Variants in ZNF248 observed in about 807,000 individuals in gnomAD.
The protein encoded by ZNF248 is KRAB protein domain.
A neutral mutation model predicts 44.3 loss-of-function variants in ZNF248; 20 were observed. The ratio of observed to expected loss-of-function variants is 0.45; its 90% CI spans 0.32 to 0.66. The LOEUF (loss-of-function observed/expected upper bound fraction) is 0.66. Among genes scored for constraint, ZNF248 ranks in the 30% least tolerant of loss-of-function variants. The probability of loss-of-function intolerance (pLI) is 0.04; values close to 1 mark genes in which losing one functional copy is unlikely to be tolerated. For synonymous variants in ZNF248, 224 were observed against 229.0 expected (o/e 0.98, Z 0.20); for missense variants, 654 against 677.0 (o/e 0.97, Z 0.38).
Position 37,828,780 on chromosome 10 carries a change from A to T in ZNF248, c.*2835T>A. The T allele has an allele frequency of 1.0e-6, 1 of 985,336 alleles. No homozygotes were observed. Among genetic ancestry groups the T allele is most frequent in the Non-Finnish European group, 1.2e-6 (1 of 829,846 alleles). The allele number at this position is 985,336 out of a possible 1,614,324, so 61.0% of individuals were successfully genotyped here. On this transcript the variant is annotated 3_prime_UTR_variant, in exon 6 of 6. Transcript: ENST00000395867. ...TCAAACAGTGCAGGGACAACTGGCT[A>T]TTTATTTGGAAGAATACAGAGCTGC...
At chr10:37,822,112 T>C (rs947209296) in intron 6 of ZNF248, among the ~76,000 whole-genome samples, 1 of 152,214 alleles carries the variant, frequency 6.6e-6, no homozygotes, top group African/African-American at 2.4e-5. Context: ...TGAGCCACTG[T>C]AGACACTCGG....
At chr10:37,843,777 C>G (rs892703055) in intron 3 of ZNF248, among the ~76,000 whole-genome samples, 1 of 152,006 alleles carries the variant, frequency 6.6e-6, no homozygotes, top group African/African-American at 2.4e-5. Context: ...TTTAAAAATC[C>G]ACTAGAGGTT....
At chr10:37,839,521 ACACACATG>A in intron 3 of ZNF248, among the ~76,000 whole-genome samples, 1 of 151,960 alleles carries the variant, frequency 6.6e-6, no homozygotes, top group African/African-American at 2.4e-5. Context: ...ACACACACAC[ACACACATG>A]CACACACACA....
Position 37,833,083 on chromosome 10 carries a change from C to T in ZNF248, c.272G>A (p.Ser91Asn). ...RKWKVDDVLE[S>N]SQENEDDHFW... Reference sequence around the variant, plus strand: ...ATGGTCATCTTCATTTTCCTGGCTGCTCTCTAACACGTCATCAACTTTCCA... The same window carrying T: ...ATGGTCATCTTCATTTTCCTGGCTGTTCTCTAACACGTCATCAACTTTCCA... Residue 91 changes from serine to asparagine, a missense_variant, in exon 6 of 6, where the codon AGC becomes AAC. Transcript: ENST00000395867. 1 of 1,606,942 alleles carries T rather than the reference C, an allele frequency of 6.2e-7. No individual in the cohort carries two copies. Among genetic ancestry groups the T allele is most frequent in the East Asian group, 2.2e-5 (1 of 44,786 alleles).
chr10:37,807,860 TC>T (rs2050811697), intron 6 of ZNF248, among the ~76,000 whole-genome samples: 1 of 152,218 alleles, frequency 6.6e-6, no homozygotes, highest in Non-Finnish European at 1.5e-5. Flanking sequence ...TTCTGTCCAA[TC>T]TGTATGCCTT....
At chr10:37,758,911 T>C in the ZNF248 span, among the ~76,000 whole-genome samples, 1 of 152,230 alleles carries the variant, frequency 6.6e-6, no homozygotes, top group Non-Finnish European at 1.5e-5. Context: ...CTTATCCCAA[T>C]GCAGAAACAC....
chr10:37,777,012 C>T (rs549059683), intron 6 of ZNF248, among the ~76,000 whole-genome samples: 1 of 152,302 alleles, frequency 6.6e-6, no homozygotes, highest in East Asian at 1.9e-4. Flanking sequence ...AACTACTAAG[C>T]TCTGTGCCAA....
chr10:37,767,405 A>G, the ZNF248 span, among the ~76,000 whole-genome samples: 1 of 152,248 alleles, frequency 6.6e-6, no homozygotes, highest in Non-Finnish European at 1.5e-5. Flanking sequence ...AGGGAAGCCC[A>G]TCAGACTAAC....
Position 37,829,310 on chromosome 10 carries a change from G to A in ZNF248, c.*2305C>T, listed in dbSNP as rs1041393244. 3.0e-6 allele frequency: 3 copies of A among 985,218 alleles called. No individual in the cohort carries two copies. In the African/African-American group the frequency reaches 5.2e-5, roughly 17 times the overall value. The allele number at this position is 985,218 out of a possible 1,614,324, so 61.0% of individuals were successfully genotyped here. A position where few individuals can be genotyped will look rare whatever the true frequency, so the allele number is the denominator to read the frequency against. On this transcript the variant is annotated 3_prime_UTR_variant, in exon 6 of 6. Coordinates refer to ENST00000395867, the MANE Select transcript of ZNF248 (RefSeq NM_021045.3). ...TTCCTGCTGATACAAGTCTCTGGGT[G>A]TTTCACTGTCCCTTGTTTCTGGCCC... is the stretch of plus-strand genomic sequence containing the variant.
rs895204521 is a variant in ZNF248, at chr10:37,857,414, C to T, written c.-355G>A. 3 of 152,242 alleles carry T rather than the reference C, an allele frequency of 2.0e-5. No individual in the cohort carries two copies. The highest frequency in any genetic ancestry group is 4.4e-5 in the Non-Finnish European group (3 of 68,080). 9.4% of individuals were successfully genotyped at this position (152,242 alleles called of 1,614,324 possible). Reference sequence around the variant, plus strand: ...AGGCCCTTGGGGCCGGTGCAGGAGCCGTCTCCCTCGGGCTCTCCCAGGGAA... The same window carrying T: ...AGGCCCTTGGGGCCGGTGCAGGAGCTGTCTCCCTCGGGCTCTCCCAGGGAA... On this transcript the variant is annotated 5_prime_UTR_variant, in exon 1 of 6. Coordinates refer to ENST00000395867, the MANE Select transcript of ZNF248 (RefSeq NM_021045.3).
intron 6 of ZNF248, among the ~76,000 whole-genome samples, chr10:37,786,697 T>C (rs1245895177): frequency 5.3e-5 from 8 of 152,204 alleles, no homozygotes; most frequent in Non-Finnish European, 1.2e-4. Flanking sequence ...ATAATATAGT[T>C]TACAGCTGCT....
At position 37,838,134 on chromosome 10, in the gene ZNF248, C is replaced by G. The variant is rs1421842092; in HGVS notation, c.16-23G>C. 3 of 1,599,684 alleles carry G rather than the reference C, an allele frequency of 1.9e-6. No homozygotes were observed. In the African/African-American group the frequency reaches 4.0e-5, roughly 21 times the overall value. ...TTCCTGTAATAGTATACTCTTTTTA[C>G]ATGAAATGGTCAGAACTAGATGATA... On this transcript the variant is annotated intron_variant, in intron 3 of 5. Transcript: ENST00000395867.
At chr10:37,816,818 A>G (rs184651177) in intron 6 of ZNF248, among the ~76,000 whole-genome samples, 1 of 152,192 alleles carries the variant, frequency 6.6e-6, no homozygotes, top group East Asian at 1.9e-4. Context: ...GAGTGGAATG[A>G]TTATTTCTAG....
chr10:37,768,299 C>G, the ZNF248 span, among the ~76,000 whole-genome samples: 1 of 152,182 alleles, frequency 6.6e-6, no homozygotes, highest in Non-Finnish European at 1.5e-5. Context: ...ACAGAAATCT[C>G]CACCCCAAAT....
At chr10:37,836,706 G>A (rs1369219709) in intron 5 of ZNF248, among the ~76,000 whole-genome samples, 1 of 152,014 alleles carries the variant, frequency 6.6e-6, no homozygotes, top group Admixed American at 6.6e-5. Context: ...AACACAGTGT[G>A]TGTGTACCTA....
intron 6 of ZNF248, chr10:37,819,045 T>C (rs1452209103): frequency 1.2e-6 from 1 of 808,612 alleles, no homozygotes; most frequent in Non-Finnish European, 2.2e-6. Context: ...CCCACTGAAT[T>C]GTAGCTATCA....
intron 6 of ZNF248, among the ~76,000 whole-genome samples, chr10:37,822,567 TA>T (rs1396424617): frequency 6.6e-6 from 1 of 152,078 alleles, no homozygotes. Context: ...GGTAAATATA[TA>T]TTTATTAAAT....
chr10:37,777,479 T>C (rs916136158), intron 6 of ZNF248, among the ~76,000 whole-genome samples: 7 of 152,004 alleles, frequency 4.6e-5, no homozygotes, highest in Non-Finnish European at 8.8e-5. Flanking sequence ...AGAATCGCAA[T>C]TCCTAAAACC....
chr10:37,852,540 A>T (rs1030864474), intron 3 of ZNF248, among the ~76,000 whole-genome samples: 2 of 151,844 alleles, frequency 1.3e-5, no homozygotes, highest in African/African-American at 4.8e-5. Flanking sequence ...GCAACAGGAG[A>T]GATCTTCATG....
Sources: allele counts gnomAD v4.1 joint callset (sites outside exome capture counted in the v4.1 genomes callset), GRCh38; gene constraint gnomAD v4.1.1; transcripts MANE v1.5; gene names NCBI Gene and HGNC (gene_info 2026-07-23, HGNC 2026-07-21).